The following GIPC3 variants were observed in gnomAD, a reference collection of about 807,000 sequenced individuals.
GIPC3 encodes GIPC PDZ domain containing family member 3, also known as PDZ domain-containing protein GIPC3.
In GIPC3, 16 loss-of-function variants were observed where a neutral mutation model predicts 27.3. The ratio of observed to expected loss-of-function variants is 0.59; its 90% CI spans 0.40 to 0.89. GIPC3 has a LOEUF of 0.89. Ranked by LOEUF, GIPC3 falls within the 40% of genes least tolerant of loss-of-function variation. The pLI, the probability that GIPC3 is intolerant of heterozygous loss-of-function variation, is 0.00. For synonymous variants in GIPC3, 194 were observed against 184.6 expected (o/e 1.05, Z -0.41); for missense variants, 440 against 442.1 (o/e 1.00, Z 0.04).
chr19:3,585,834 G>T lies in GIPC3; in HGVS notation c.225+12G>T. The T allele has an allele frequency of 6.5e-7, 1 of 1,539,618 alleles. No individual in the cohort carries two copies. Among genetic ancestry groups the T allele is most frequent in the Non-Finnish European group, 8.7e-7 (1 of 1,144,672 alleles). The stretch of plus-strand genomic sequence containing the variant: ...TCGCGCCCACCGAGGTAAGGAGCCC[G>T]GACACCGGCGCCCAAGACCACCCGC... On this transcript the variant is annotated intron_variant, in intron 1 of 5. Transcript: ENST00000644452.
chr19:3,589,454 C>A lies in GIPC3; in HGVS notation c.604C>A (p.Gln202Lys). 6.2e-7 allele frequency: 1 copy of A among 1,613,630 alleles called. No homozygotes were observed. The highest frequency in any genetic ancestry group is 8.5e-7 in the Non-Finnish European group (1 of 1,179,646). ...TCTGTTCCCTCCAGATATGATTGGCCAGAGAAGTCGGTCCAGCAAATGTCC... is the reference window on the plus strand; with the variant it reads ...TCTGTTCCCTCCAGATATGATTGGCAAGAGAAGTCGGTCCAGCAAATGTCC... Reference protein sequence around the residue: ...QPKRAFDMIGQRSRSSKCPVE... With the variant: ...QPKRAFDMIGKRSRSSKCPVE... Residue 202 changes from glutamine to lysine, a missense_variant, in exon 4 of 6, where the codon CAG becomes AAG. Physicochemically the swap from Gln to Lys is moderately conservative, Grantham distance 53. Transcript: ENST00000644452.
rs2032502259 is a variant in GIPC3, at chr19:3,592,375, G to C, written c.*2185G>C. The C allele has an allele frequency of 3.2e-6, 4 of 1,231,924 alleles. No homozygotes were observed. In the African/African-American group the frequency reaches 4.7e-5, roughly 14 times the overall value. The allele number at this position is 1,231,924 out of a possible 1,614,324, so 76.3% of individuals were successfully genotyped here. On this transcript the variant is annotated 3_prime_UTR_variant, in exon 6 of 6. Coordinates refer to ENST00000644452, the MANE Select transcript of GIPC3 (RefSeq NM_133261.3). Reference sequence around the variant, plus strand: ...CAGCCCAGCTCTGGGACCCAGATAAGCTCAAGAATTCAAGCCAGCTCTGGA... The same window carrying C: ...CAGCCCAGCTCTGGGACCCAGATAACCTCAAGAATTCAAGCCAGCTCTGGA...
rs554778701 is a variant in GIPC3, at chr19:3,592,651, G to T, written c.*2461G>T. The stretch of plus-strand genomic sequence containing the variant: ...GGCTCTGAAACCCAGACCGGCTCAA[G>T]AATTCAGCCCGACTCTGGAGCCCAA... On this transcript the variant is annotated 3_prime_UTR_variant, in exon 6 of 6. Coordinates refer to ENST00000644452, the MANE Select transcript of GIPC3 (RefSeq NM_133261.3). 65 of 1,231,962 alleles carry T rather than the reference G, an allele frequency of 5.3e-5. No homozygotes were observed. In the African/African-American group the frequency reaches 9.5e-4, roughly 18 times the overall value. 76.3% of individuals were successfully genotyped at this position (1,231,962 alleles called of 1,614,324 possible). A position where few individuals can be genotyped will look rare whatever the true frequency, so the allele number is the denominator to read the frequency against.
At position 3,590,203 on chromosome 19, in the gene GIPC3, G is replaced by C; in HGVS notation, c.*13G>C. 1 of 1,580,766 alleles carries C rather than the reference G, an allele frequency of 6.3e-7. No homozygotes were observed. The highest frequency in any genetic ancestry group is 8.6e-7 in the Non-Finnish European group (1 of 1,164,712). On this transcript the variant is annotated 3_prime_UTR_variant, in exon 6 of 6. Transcript: ENST00000644452. ...GGCCTGTGGCTAGTTTGCCCTGGGG[G>C]GGCCCAGCACAGCCCCAGCCCGGAG... is the stretch of plus-strand genomic sequence containing the variant.
chr19:3,590,326 C>T lies in GIPC3; in HGVS notation c.*136C>T, dbSNP rs2032464239. 7 of 1,453,164 alleles carry T rather than the reference C, an allele frequency of 4.8e-6. No homozygotes were observed. Among genetic ancestry groups the T allele is most frequent in the Non-Finnish European group, 6.3e-6 (7 of 1,103,842 alleles). The allele number at this position is 1,453,164 out of a possible 1,614,324, so 90.0% of individuals were successfully genotyped here. ...TCCAATTTGGAGCCCCAGCCCAACT[C>T]CAGAACCCAACCCTTCTCTAGAATC... On this transcript the variant is annotated 3_prime_UTR_variant, in exon 6 of 6. Transcript: ENST00000644452.
Position 3,590,093 on chromosome 19 carries a change from G to C in GIPC3, c.842G>C (p.Arg281Pro). 3 of 1,611,312 alleles carry C rather than the reference G, an allele frequency of 1.9e-6. No individual in the cohort carries two copies. Among genetic ancestry groups the C allele is most frequent in the South Asian group, 1.1e-5 (1 of 90,756 alleles). Residue 281 changes from arginine (R) to proline (P), a missense_variant, in exon 6 of 6, where the codon CGC (arginine) becomes CCC (proline). Arg to Pro is a moderately radical substitution (Grantham distance 103). Coordinates refer to ENST00000644452, the MANE Select transcript of GIPC3 (RefSeq NM_133261.3). ...ACAGCGAGCGCCCAGGAGTTTGCAC[G>C]CTGTTTAGACTCCGTCTTGGGCGAG... ...KKTASAQEFA[R>P]CLDSVLGEFA...
At position 3,585,760 on chromosome 19, in the gene GIPC3, T is replaced by C; in HGVS notation, c.163T>C (p.Phe55Leu). 1.9e-6 allele frequency: 3 copies of C among 1,546,604 alleles called. No homozygotes were observed. The highest frequency in any genetic ancestry group is 2.6e-6 in the Non-Finnish European group (3 of 1,145,742). The change falls in exon 1 of 6, where the codon TTC becomes CTC. Residue 55 changes from phenylalanine (F) to leucine (L), a missense_variant. Phe to Leu is a conservative substitution (Grantham distance 22). Coordinates refer to ENST00000644452, the MANE Select transcript of GIPC3 (RefSeq NM_133261.3). ...GAGCCCCACGGGCAAGATCGAGGGCTTCACCAACGTCCGCGAGCTGTACGC... is the reference window on the plus strand; with the variant it reads ...GAGCCCCACGGGCAAGATCGAGGGCCTCACCAACGTCCGCGAGCTGTACGC... ...HGSPTGKIEG[F>L]TNVRELYAKI... is the part of the protein sequence containing the mutation.
rs1490677810 is a variant in GIPC3, at chr19:3,586,560, C to T, written c.291C>T (p.Gly97=). The T allele has an allele frequency of 1.2e-6, 2 of 1,613,854 alleles. No homozygotes were observed. The highest frequency in any genetic ancestry group is 4.5e-5 in the East Asian group (2 of 44,868). ...AGAAGCTCCTGGGGGGTCAGATAGG[C>T]CTGGAGGACTTCATCTTTGCCCACG... is the stretch of plus-strand genomic sequence containing the variant. ...DMQKLLGGQI[G]LEDFIFAHVR... is the part of the protein sequence containing the mutation. Residue 97 remains glycine (G), a synonymous_variant, in exon 2 of 6, where the codon GGC becomes GGT. Transcript: ENST00000644452.
intron 1 of GIPC3, among the ~76,000 whole-genome samples, chr19:3,586,223 T>C (rs2032360628): frequency 6.6e-6 from 1 of 151,932 alleles, no homozygotes; most frequent in South Asian, 2.1e-4. Flanking sequence ...TGGGCGTTTT[T>C]CCAATCCGGG....
Position 3,587,564 on chromosome 19 carries a change from G to C in GIPC3, c.592+570G>C, listed in dbSNP as rs184574855. On this transcript the variant is annotated intron_variant, in intron 3 of 5. Coordinates refer to ENST00000644452, the MANE Select transcript of GIPC3 (RefSeq NM_133261.3). ...CCCAAAATGCTAGGATTATAGGCGT[G>C]AGCCACCGCGCGCAGCCTGGGAACT... Among the ~76,000 whole-genome samples, 864 of 152,212 alleles carry C rather than the reference G, an allele frequency of 5.7e-3. 13 individuals carry two copies. The highest frequency in any genetic ancestry group is 0.02 in the African/African-American group (830 of 41,524).
At chr19:3,588,247 C>T (rs1309447328) in intron 3 of GIPC3, among the ~76,000 whole-genome samples, 14 of 152,108 alleles carry the variant, frequency 9.2e-5, no homozygotes, top group Admixed American at 7.2e-4. Context: ...AGGTGATCTG[C>T]CCGCCTCGGC....
Position 3,591,646 on chromosome 19 carries a change from C to T in GIPC3, c.*1456C>T, listed in dbSNP as rs1018171646. Reference sequence around the variant, plus strand: ...TCAGAAACCCAGGTCCACACGGCTGCCCAGTCCAGATCCCAACCCCAGTTG... The same window carrying T: ...TCAGAAACCCAGGTCCACACGGCTGTCCAGTCCAGATCCCAACCCCAGTTG... On this transcript the variant is annotated 3_prime_UTR_variant, in exon 6 of 6. Transcript: ENST00000644452. 5.7e-6 allele frequency: 7 copies of T among 1,233,962 alleles called. No individual in the cohort carries two copies. Among genetic ancestry groups the T allele is most frequent in the South Asian group, 8.2e-5 (2 of 24,464 alleles). 76.4% of individuals were successfully genotyped at this position (1,233,962 alleles called of 1,614,324 possible). A position where few individuals can be genotyped will look rare whatever the true frequency, so the allele number is the denominator to read the frequency against.
In GIPC3 at chr19:3,590,956, T is replaced by C. The variant is rs1229369366; in HGVS notation, c.*766T>C. On this transcript the variant is annotated 3_prime_UTR_variant, in exon 6 of 6. Transcript: ENST00000644452. ...ATGAGCTCTGAGACAGAGCCCAGTATTGAGACCAAGCCCTGTTCTAGAGTC... is the reference window on the plus strand; with the variant it reads ...ATGAGCTCTGAGACAGAGCCCAGTACTGAGACCAAGCCCTGTTCTAGAGTC... 2 of 1,209,616 alleles carry C rather than the reference T, an allele frequency of 1.7e-6. No homozygotes were observed. Among genetic ancestry groups the C allele is most frequent in the Non-Finnish European group, 2.0e-6 (2 of 979,172 alleles). 74.9% of individuals were successfully genotyped at this position (1,209,616 alleles called of 1,614,324 possible).
chr19:3,586,012 C>CAA (rs1165342970), intron 1 of GIPC3, among the ~76,000 whole-genome samples, 190 bp downstream of exon 1: 2 of 152,232 alleles, frequency 1.3e-5, no homozygotes, highest in African/African-American at 4.8e-5. Context: ...CCTTTGCACG[C>CAA]TCTGCGCAAA....
rs768685891 is a variant in GIPC3 at position 3,586,515 on chromosome 19, C to T, written c.246C>T (p.Asn82=). The change falls in exon 2 of 6, where the codon AAC becomes AAT. Residue 82 remains asparagine, a synonymous_variant. Coordinates refer to ENST00000644452, the MANE Select transcript of GIPC3 (RefSeq NM_133261.3). ...APTEILFCTL[N]SHKVDMQKLL... ...GGAAGATTTTATTCTGCACCCTCAA[C>T]AGCCACAAAGTGGACATGCAGAAGC... is the stretch of plus-strand genomic sequence containing the variant. 6.2e-6 allele frequency: 10 copies of T among 1,613,808 alleles called. No individual in the cohort carries two copies. The South Asian group carries it at 7.7e-5, about 12-fold the overall frequency.
chr19:3,592,190 G>C lies in GIPC3; in HGVS notation c.*2000G>C, dbSNP rs2032497621. On this transcript the variant is annotated 3_prime_UTR_variant, in exon 6 of 6. Transcript: ENST00000644452. Reference sequence around the variant, plus strand: ...ACAGCAGGTCCAGCTCCAGGACCCAGCGCTGCCCAGGAGCTCGACCAGCCT... The same window carrying C: ...ACAGCAGGTCCAGCTCCAGGACCCACCGCTGCCCAGGAGCTCGACCAGCCT... 3 of 1,232,118 alleles carry C rather than the reference G, an allele frequency of 2.4e-6. No individual in the cohort carries two copies. The highest frequency in any genetic ancestry group is 2.0e-6 in the Non-Finnish European group (2 of 988,054). 76.3% of individuals were successfully genotyped at this position (1,232,118 alleles called of 1,614,324 possible). A position where few individuals can be genotyped will look rare whatever the true frequency, so the allele number is the denominator to read the frequency against.
At position 3,592,324 on chromosome 19, in the gene GIPC3, C is replaced by G; in HGVS notation, c.*2134C>G. ...CTGGACTTTGGGAAGCAGAGCAGTT[C>G]TGAAAGTCAGCTTAGCTTTGGAACT... On this transcript the variant is annotated 3_prime_UTR_variant, in exon 6 of 6. Coordinates refer to ENST00000644452, the MANE Select transcript of GIPC3 (RefSeq NM_133261.3). The G allele has an allele frequency of 8.1e-7, 1 of 1,232,106 alleles. No individual in the cohort carries two copies. Among genetic ancestry groups the G allele is most frequent in the Non-Finnish European group, 1.0e-6 (1 of 987,976 alleles). 76.3% of individuals were successfully genotyped at this position (1,232,106 alleles called of 1,614,324 possible). A position where few individuals can be genotyped will look rare whatever the true frequency, so the allele number is the denominator to read the frequency against.
Position 3,590,979 on chromosome 19 carries a change from G to C in GIPC3, c.*789G>C. On this transcript the variant is annotated 3_prime_UTR_variant, in exon 6 of 6. Coordinates refer to ENST00000644452, the MANE Select transcript of GIPC3 (RefSeq NM_133261.3). The stretch of plus-strand genomic sequence containing the variant: ...TATTGAGACCAAGCCCTGTTCTAGA[G>C]TCCAGGCCAGCTCCGAGACCAAGCC... The C allele has an allele frequency of 8.2e-7, 1 of 1,217,812 alleles. No homozygotes were observed. 75.4% of individuals were successfully genotyped at this position (1,217,812 alleles called of 1,614,324 possible). A position where few individuals can be genotyped will look rare whatever the true frequency, so the allele number is the denominator to read the frequency against.
At chr19:3,588,223 G>A (rs916765223) in intron 3 of GIPC3, among the ~76,000 whole-genome samples, 7 of 151,522 alleles carry the variant, frequency 4.6e-5, no homozygotes, top group South Asian at 2.1e-4. Flanking sequence ...GGCTGGTCTC[G>A]AACTCCCGAC....
Sources: gnomAD v4.1 joint callset for allele counts (sites outside exome capture counted in the v4.1 genomes callset) on GRCh38, gnomAD v4.1.1 for gene constraint, MANE v1.5 for transcripts, NCBI Gene and HGNC (gene_info 2026-07-23, HGNC 2026-07-21) for gene names.